MDH1: variants seen among roughly 807,000 people sequenced by gnomAD.
MDH1 encodes malate dehydrogenase, cytoplasmic.
A neutral mutation model predicts 38.7 loss-of-function variants in MDH1; 15 were observed. That is an observed-to-expected ratio of 0.39 (90% CI 0.26 to 0.60). MDH1 has a LOEUF of 0.60. MDH1 is among the 20% of genes least tolerant of loss of function. The pLI is 0.56. For missense variants in MDH1, 368 were observed against 405.2 expected (o/e 0.91, Z 0.79); for synonymous variants, 144 against 143.6 (o/e 1.00, Z -0.02).
intron 1 of MDH1, chr2:63,593,539 G>T (rs150711860): frequency 1.3e-4 from 60 of 471,036 alleles, no homozygotes; most frequent in African/African-American, 1.2e-3. Flanking sequence ...TCTCAGAGAC[G>T]TGACTCTCAT....
intron 1 of MDH1, among the ~76,000 whole-genome samples, chr2:63,592,866 G>A (rs1052383550): frequency 2.8e-4 from 42 of 152,162 alleles, no homozygotes; most frequent in Non-Finnish European, 4.7e-4. Context: ...TGTCCTTAAG[G>A]ATCTCGTATT....
At chr2:63,593,502 C>G (rs768484474) in intron 1 of MDH1, 57 of 466,710 alleles carry the variant, frequency 1.2e-4, no homozygotes, top group Non-Finnish European at 2.5e-4. Context: ...TTGAAAGAAG[C>G]CTTCGAGGCT....
chr2:63,606,094 A>G, intron 8 of MDH1, 66 bp downstream of exon 8: 1 of 1,422,396 alleles, frequency 7.0e-7, no homozygotes, highest in Non-Finnish European at 9.9e-7. Flanking sequence ...TAAGAATGGT[A>G]TTATTGGCCA....
chr2:63,597,756 A>C (rs902916640), intron 4 of MDH1, 182 bp downstream of exon 4: 5 of 437,490 alleles, frequency 1.1e-5, no homozygotes, highest in Non-Finnish European at 1.9e-5. Flanking sequence ...TACAGTATAG[A>C]AATCTATATT....
chr2:63,599,569 T>C, intron 5 of MDH1: 1 of 224,736 alleles, frequency 4.4e-6, no homozygotes, highest in Non-Finnish European at 8.8e-6. Context: ...AATGTTCTCT[T>C]GTTACAGTGG....
rs375553890 is a variant in MDH1 at position 63,589,615 on chromosome 2, A to G, written c.3+569A>G. ...CATTGACCTTTTTTGTAATGCCAGG[A>G]TATATTGAAGTGACAGCATCACTAA... On this transcript the variant is annotated intron_variant, in intron 1 of 8. Coordinates refer to ENST00000233114, the MANE Select transcript of MDH1 (RefSeq NM_005917.4). 5.3e-5 allele frequency among the ~76,000 whole-genome samples: 8 copies of G among 152,332 alleles called. No individual in the cohort carries two copies. The South Asian group carries it at 6.2e-4, about 12-fold the overall frequency.
rs1204897825 is a variant in MDH1, at chr2:63,606,873, G to C, written c.891G>C (p.Trp297Cys). Residue 297 changes from tryptophan (W) to cysteine (C), a missense_variant, in exon 9 of 9, where the codon TGG (tryptophan) becomes TGC (cysteine). Transcript: ENST00000233114. Reference protein sequence around the residue: ...SFPVVIKNKTWKFVEGLPIND... With the variant: ...SFPVVIKNKTCKFVEGLPIND... ...TTATTTTCAAACAGAATAAGACCTG[G>C]AAGTTTGTTGAAGGTCTCCCTATTA... is the stretch of plus-strand genomic sequence containing the variant. The C allele has an allele frequency of 1.2e-6, 2 of 1,610,570 alleles. No homozygotes were observed. Among genetic ancestry groups the C allele is most frequent in the South Asian group, 1.1e-5 (1 of 90,456 alleles).
chr2:63,599,246 A>C lies in MDH1; in HGVS notation c.452A>C (p.Asn151Thr). The C allele has an allele frequency of 6.2e-7, 1 of 1,613,752 alleles. No homozygotes were observed. The highest frequency in any genetic ancestry group is 1.3e-5 in the African/African-American group (1 of 75,064). Residue 151 changes from asparagine to threonine, a missense_variant, in exon 5 of 9, where the codon AAC becomes ACC. Transcript: ENST00000233114. Reference protein sequence around the residue: ...SKSAPSIPKENFSCLTRLDHN... With the variant: ...SKSAPSIPKETFSCLTRLDHN... Reference sequence around the variant, plus strand: ...TCAGCTCCATCCATCCCCAAGGAGAACTTCAGTTGCTTGACTCGTTTGGAT... The same window carrying C: ...TCAGCTCCATCCATCCCCAAGGAGACCTTCAGTTGCTTGACTCGTTTGGAT...
chr2:63,591,915 T>C (rs1231761299), intron 1 of MDH1, among the ~76,000 whole-genome samples: 1 of 152,230 alleles, frequency 6.6e-6, no homozygotes, highest in African/African-American at 2.4e-5. Context: ...GCTATTATTA[T>C]CTCCATTTTA....
At chr2:63,595,379 T>A in intron 2 of MDH1, 44 bp from the exon 3 acceptor site, 1 of 1,204,888 alleles carries the variant, frequency 8.3e-7, no homozygotes, top group Non-Finnish European at 1.2e-6. Flanking sequence ...TGTGTCTAAA[T>A]GAAATAGCCT....
intron 1 of MDH1, chr2:63,589,462 T>C: frequency 1.4e-6 from 2 of 1,408,598 alleles, no homozygotes; most frequent in Non-Finnish European, 2.0e-6. Flanking sequence ...ACGGCTTTTG[T>C]CACAGGGACC....
At chr2:63,589,533 TGCA>T in intron 1 of MDH1, 2 of 774,756 alleles carry the variant, frequency 2.6e-6, no homozygotes, top group South Asian at 3.2e-5. Context: ...GATCTGCGTT[TGCA>T]GCAGACGTGT....
intron 4 of MDH1, among the ~76,000 whole-genome samples, chr2:63,598,384 C>T (rs1305184678): frequency 2.0e-5 from 3 of 152,134 alleles, no homozygotes; most frequent in Non-Finnish European, 4.4e-5. Flanking sequence ...CTGTCTTGGC[C>T]TCCCAAAGTG....
At chr2:63,601,070 A>C (rs1488802685) in intron 5 of MDH1, among the ~76,000 whole-genome samples, 1 of 152,248 alleles carries the variant, frequency 6.6e-6, no homozygotes, top group African/African-American at 2.4e-5. Flanking sequence ...CTGAATGAGC[A>C]AAGAGGAAAG....
chr2:63,592,792 A>T (rs1709225029), intron 1 of MDH1, among the ~76,000 whole-genome samples: 2 of 152,232 alleles, frequency 1.3e-5, no homozygotes, highest in African/African-American at 4.8e-5. Context: ...CAGAGTTCCA[A>T]CTACAGGACA....
rs566218296 is a variant in MDH1 at position 63,590,397 on chromosome 2, T to C, written c.3+1351T>C. The C allele has an allele frequency of 1.2e-4, 18 of 152,172 alleles. No homozygotes were observed. In the South Asian group the frequency reaches 2.1e-3, roughly 18 times the overall value. The allele number at this position is 152,172 out of a possible 1,614,324, so 9.4% of individuals were successfully genotyped here. A position where few individuals can be genotyped will look rare whatever the true frequency, so the allele number is the denominator to read the frequency against. ...ACCAAGTCTTTCTGAATTTTTATTTTTATAGGGACCACCGCAGTGAGGTCT... is the reference window on the plus strand; with the variant it reads ...ACCAAGTCTTTCTGAATTTTTATTTCTATAGGGACCACCGCAGTGAGGTCT... On this transcript the variant is annotated intron_variant, in intron 1 of 8. Coordinates refer to ENST00000233114, the MANE Select transcript of MDH1 (RefSeq NM_005917.4).
intron 7 of MDH1, 114 bp downstream of exon 7, chr2:63,605,507 C>G: frequency 1.3e-6 from 1 of 746,928 alleles, no homozygotes; most frequent in Non-Finnish European, 2.2e-6. Flanking sequence ...TTTCTCAGCT[C>G]AGCTGCCTAT....
chr2:63,589,840 T>C (rs1158702959), intron 1 of MDH1: 5 of 188,208 alleles, frequency 2.7e-5, no homozygotes, highest in African/African-American at 1.2e-4. Context: ...TGCGTACTGC[T>C]TGAAGGTGAC....
chr2:63,606,929 C>T lies in MDH1; in HGVS notation c.947C>T (p.Thr316Ile). 2 of 1,612,862 alleles carry T rather than the reference C, an allele frequency of 1.2e-6. No individual in the cohort carries two copies. Among genetic ancestry groups the T allele is most frequent in the South Asian group, 2.2e-5 (2 of 90,982 alleles). ...NDFSREKMDL[T>I]AKELTEEKES... ...TTCTCACGTGAGAAGATGGATCTTA[C>T]TGCAAAGGAACTGACAGAAGAAAAA... is the stretch of plus-strand genomic sequence containing the variant. The change falls in exon 9 of 9, where the codon ACT (threonine) becomes ATT (isoleucine). Residue 316 changes from threonine (T) to isoleucine (I), a missense_variant. Transcript: ENST00000233114.
Sources: allele counts gnomAD v4.1 joint callset (sites outside exome capture counted in the v4.1 genomes callset), GRCh38; gene constraint gnomAD v4.1.1; transcripts MANE v1.5; gene names NCBI Gene and HGNC (gene_info 2026-07-23, HGNC 2026-07-21).